The following FNIP2 variants were observed in gnomAD, a reference collection of about 807,000 sequenced individuals.
FNIP2 encodes the protein folliculin interacting protein 2.
Under a neutral mutation model 108.7 loss-of-function variants are expected in FNIP2, and 32 were observed. The ratio of observed to expected loss-of-function variants is 0.29; its 90% CI spans 0.22 to 0.40. FNIP2 has a LOEUF of 0.40. Among genes scored for constraint, FNIP2 ranks in the 10% least tolerant of loss-of-function variants. FNIP2 has a pLI of 1.00. For missense variants in FNIP2, 1,202 were observed against 1,381.6 expected (o/e 0.87, Z 2.06); for synonymous variants, 480 against 496.7 (o/e 0.97, Z 0.45).
At chr4:158,867,735 A>G (rs1780662995) in intron 12 of FNIP2, among the ~76,000 whole-genome samples, 1 of 152,200 alleles carries the variant, frequency 6.6e-6, no homozygotes, top group South Asian at 2.1e-4. Context: ...TTATTATTCT[A>G]GTTTCCAAGA....
chr4:158,777,877 A>C (rs1301044699), intron 1 of FNIP2, among the ~76,000 whole-genome samples: 1 of 152,214 alleles, frequency 6.6e-6, no homozygotes, highest in Admixed American at 6.5e-5. Context: ...ATATGTTGAA[A>C]TGTAAGCCTT....
Position 158,824,327 on chromosome 4 carries a change from T to A in FNIP2, c.108-1589T>A, listed in dbSNP as rs184065965. On this transcript the variant is annotated intron_variant, in intron 1 of 16. Transcript: ENST00000264433. ...AGGCATTTGGGTTTGAATCCAGATGTGTCTTATTTCATTTATATCATCTCC... is the reference window on the plus strand; with the variant it reads ...AGGCATTTGGGTTTGAATCCAGATGAGTCTTATTTCATTTATATCATCTCC... 2.0e-5 allele frequency among the ~76,000 whole-genome samples: 3 copies of A among 152,334 alleles called. No homozygotes were observed. The East Asian group carries it at 5.8e-4, about 29-fold the overall frequency.
rs1447171551 is a variant in FNIP2 at position 158,904,461 on chromosome 4, T to C, written c.3267-5T>C. ...GTAATATTCTTTTCTTTTCTCAATA[T>C]TCAGGATTGAATCCAACGACCTGCC... On this transcript the variant is annotated splice_polypyrimidine_tract_variant and splice_region_variant and intron_variant, in intron 16 of 16. Coordinates refer to ENST00000264433, the MANE Select transcript of FNIP2 (RefSeq NM_020840.3). 1 of 1,610,576 alleles carries C rather than the reference T, an allele frequency of 6.2e-7. No homozygotes were observed. The highest frequency in any genetic ancestry group is 8.5e-7 in the Non-Finnish European group (1 of 1,177,498).
At chr4:158,893,727 A>C in intron 15 of FNIP2, 1 of 1,567,464 alleles carries the variant, frequency 6.4e-7, no homozygotes. Flanking sequence ...TCTGTAAGAG[A>C]AGTAATGTAT....
intron 15 of FNIP2, among the ~76,000 whole-genome samples, chr4:158,892,390 A>G (rs1308033321): frequency 6.6e-6 from 1 of 152,096 alleles, no homozygotes; most frequent in East Asian, 1.9e-4. Flanking sequence ...TTCTTTCCAA[A>G]TGGGATTTTA....
chr4:158,798,971 G>A (rs1236718853), intron 1 of FNIP2, among the ~76,000 whole-genome samples: 2 of 152,218 alleles, frequency 1.3e-5, no homozygotes, highest in Non-Finnish European at 1.5e-5. Flanking sequence ...TGTTGTAAAT[G>A]TAAGAGAGAA....
intron 1 of FNIP2, among the ~76,000 whole-genome samples, chr4:158,801,028 T>G (rs1410507191): frequency 6.6e-6 from 1 of 152,174 alleles, no homozygotes; most frequent in African/African-American, 2.4e-5. Flanking sequence ...AAAGTTAAAT[T>G]ATTTCCCAGG....
At chr4:158,772,879 A>G (rs115753986) in intron 1 of FNIP2, among the ~76,000 whole-genome samples, 2,075 of 152,294 alleles carry the variant, frequency 0.014, 37 homozygotes, top group African/African-American at 0.044. Flanking sequence ...GGAAACTATA[A>G]CAAACAGATA....
chr4:158,888,651 G>A (rs910715620), intron 14 of FNIP2, among the ~76,000 whole-genome samples: 2 of 152,106 alleles, frequency 1.3e-5, no homozygotes, highest in South Asian at 2.1e-4. Flanking sequence ...CATTTTCAGA[G>A]GTCAAGGCAG....
At chr4:158,774,598 C>T (rs1259837734) in intron 1 of FNIP2, among the ~76,000 whole-genome samples, 1 of 152,082 alleles carries the variant, frequency 6.6e-6, no homozygotes, top group African/African-American at 2.4e-5. Flanking sequence ...AATCTAAACT[C>T]ATTATAAACC....
At position 158,861,762 on chromosome 4, in the gene FNIP2, T is replaced by C; in HGVS notation, c.1451T>C (p.Leu484Pro). 1 of 1,614,006 alleles carries C rather than the reference T, an allele frequency of 6.2e-7. No homozygotes were observed. The highest frequency in any genetic ancestry group is 8.5e-7 in the Non-Finnish European group (1 of 1,179,874). ...MLAKTHPYNP[L>P]WAQLGDLYGA... ...GCCAAAACACATCCGTATAATCCTC[T>C]TTGGGCACAGCTGGGTTAGTACCTA... The change falls in exon 12 of 17, where the codon CTT becomes CCT. Residue 484 changes from leucine (L) to proline (P), a missense_variant. Transcript: ENST00000264433.
chr4:158,825,078 T>A (rs771690303), intron 1 of FNIP2, among the ~76,000 whole-genome samples: 16 of 152,222 alleles, frequency 1.1e-4, no homozygotes, highest in Non-Finnish European at 2.1e-4. Flanking sequence ...CAGGTCTGTC[T>A]GGTTAATTAA....
chr4:158,904,825 C>T lies in FNIP2; in HGVS notation c.*281C>T. 1 of 384,248 alleles carries T rather than the reference C, an allele frequency of 2.6e-6. No homozygotes were observed. Among genetic ancestry groups the T allele is most frequent in the Non-Finnish European group, 4.8e-6 (1 of 206,202 alleles). The allele number at this position is 384,248 out of a possible 1,614,324, so 23.8% of individuals were successfully genotyped here. ...TTTTTGGTAGGAGGAAACATAAGCA[C>T]TAAACACTAAGCTGTTGCAACAGAT... On this transcript the variant is annotated 3_prime_UTR_variant, in exon 17 of 17. Coordinates refer to ENST00000264433, the MANE Select transcript of FNIP2 (RefSeq NM_020840.3).
chr4:158,875,086 CAAAA>C (rs922681852), intron 14 of FNIP2, among the ~76,000 whole-genome samples: 1 of 107,062 alleles, frequency 9.3e-6, no homozygotes, highest in African/African-American at 3.8e-5. Flanking sequence ...GAGACTGTCT[CAAAA>C]AAAAAAAAAA....
At chr4:158,884,012 C>T (rs1038801545) in intron 14 of FNIP2, among the ~76,000 whole-genome samples, 8 of 150,416 alleles carry the variant, frequency 5.3e-5, no homozygotes, top group Admixed American at 3.3e-4. Context: ...GTGTTCCTGC[C>T]CCCCTTCAGG....
intron 1 of FNIP2, among the ~76,000 whole-genome samples, chr4:158,797,096 C>T (rs576367575): frequency 1.3e-5 from 2 of 152,306 alleles, no homozygotes; most frequent in African/African-American, 4.8e-5. Flanking sequence ...AAGCAGCTTT[C>T]TTAGTTGTCG....
At chr4:158,803,849 G>A (rs1776845396) in intron 1 of FNIP2, among the ~76,000 whole-genome samples, 3 of 152,200 alleles carry the variant, frequency 2.0e-5, no homozygotes, top group African/African-American at 7.2e-5. Context: ...GAGTGTGAGT[G>A]TATAAGCACC....
intron 1 of FNIP2, among the ~76,000 whole-genome samples, chr4:158,770,152 A>G (rs1775648134): frequency 6.8e-6 from 1 of 147,384 alleles, no homozygotes; most frequent in South Asian, 2.3e-4. Context: ...TGTCAGTGGT[A>G]GAGCCTGTGT....
At chr4:158,845,966 C>T (rs1303684972) in intron 7 of FNIP2, among the ~76,000 whole-genome samples, 1 of 152,188 alleles carries the variant, frequency 6.6e-6, no homozygotes, top group East Asian at 1.9e-4. Context: ...TTTGCCTTCT[C>T]TTGTTATGTC....
Sources: allele counts gnomAD v4.1 joint callset (sites outside exome capture counted in the v4.1 genomes callset), GRCh38; gene constraint gnomAD v4.1.1; transcripts MANE v1.5; gene names NCBI Gene and HGNC (gene_info 2026-07-23, HGNC 2026-07-21).